CDC23: variants seen among roughly 807,000 people sequenced by gnomAD.
CDC23 encodes cell division cycle 23, also known as cell division cycle protein 23 homolog.
Under a neutral mutation model 81.7 loss-of-function variants are expected in CDC23, and 26 were observed. The ratio of observed to expected loss-of-function variants is 0.32; its 90% CI spans 0.23 to 0.44. The LOEUF (loss-of-function observed/expected upper bound fraction) is 0.44, where lower values mean the gene tolerates loss of function less well. CDC23 is among the 20% of genes least tolerant of loss of function. The pLI, the probability that CDC23 is intolerant of heterozygous loss-of-function variation, is 1.00. For missense variants in CDC23, 519 were observed against 728.0 expected, an observed-to-expected ratio of 0.71 and a Z score of 3.30; for synonymous variants, 267 against 270.8, an observed-to-expected ratio of 0.99 and a Z score of 0.14.
chr5:138,195,585 T>C (rs911215013), intron 9 of CDC23, among the ~76,000 whole-genome samples: 8 of 60,890 alleles, frequency 1.3e-4, no homozygotes, highest in Admixed American at 2.9e-4. Flanking sequence ...TAATATATTA[T>C]ATATAATATA....
intron 8 of CDC23, 46 bp from the exon 9 acceptor site, chr5:138,198,326 C>T: frequency 3.8e-6 from 6 of 1,587,604 alleles, no homozygotes; most frequent in Non-Finnish European, 5.2e-6. Context: ...AAAGAACTCC[C>T]TAAATTATTT....
intron 15 of CDC23, 111 bp from the exon 16 acceptor site, chr5:138,189,259 C>CT: frequency 2.0e-6 from 2 of 1,024,450 alleles, no homozygotes; most frequent in Non-Finnish European, 1.4e-6. Flanking sequence ...GGGAGGCTTG[C>CT]TTGTTTTTTT....
At chr5:138,197,475 G>A (rs1754927699) in intron 9 of CDC23, among the ~76,000 whole-genome samples, 1 of 150,590 alleles carries the variant, frequency 6.6e-6, no homozygotes, top group Non-Finnish European at 1.5e-5. Flanking sequence ...CAATATAGAC[G>A]TAACATGTAA....
chr5:138,211,024 C>T (rs964837941), intron 2 of CDC23, among the ~76,000 whole-genome samples: 3 of 152,092 alleles, frequency 2.0e-5, no homozygotes, highest in African/African-American at 4.8e-5. Flanking sequence ...TGGGTATATA[C>T]CCAAAGGAAA....
intron 3 of CDC23, among the ~76,000 whole-genome samples, chr5:138,204,635 T>C (rs1331732638): frequency 6.6e-6 from 1 of 151,596 alleles, no homozygotes; most frequent in Non-Finnish European, 1.5e-5. Flanking sequence ...TTTTCTTTTT[T>C]TGGAGACGGA....
At chr5:138,202,719 A>G (rs1755002831) in intron 3 of CDC23, among the ~76,000 whole-genome samples, 2 of 152,262 alleles carry the variant, frequency 1.3e-5, no homozygotes, top group African/African-American at 2.4e-5. Flanking sequence ...TACTAAATAG[A>G]TAAATAAATG....
rs1436774098 is a variant in CDC23 at position 138,188,238 on chromosome 5, A to G, written c.*740T>C. 1 of 152,186 alleles carries G rather than the reference A, an allele frequency of 6.6e-6. No individual in the cohort carries two copies. Among genetic ancestry groups the G allele is most frequent in the East Asian group, 1.9e-4 (1 of 5,200 alleles). 9.4% of individuals were successfully genotyped at this position (152,186 alleles called of 1,614,324 possible). ...CCAAATGTCCGTGAAATTATCTATAATCCTATCTCCTTGCTTGCTTTGGTA... is the reference window on the plus strand; with the variant it reads ...CCAAATGTCCGTGAAATTATCTATAGTCCTATCTCCTTGCTTGCTTTGGTA... On this transcript the variant is annotated 3_prime_UTR_variant, in exon 16 of 16. Transcript: ENST00000394886.
chr5:138,190,889 T>C (rs1420221066), intron 13 of CDC23, among the ~76,000 whole-genome samples: 1 of 150,324 alleles, frequency 6.7e-6, no homozygotes, highest in East Asian at 1.9e-4. Context: ...AAAAAAAAGA[T>C]ACCAAGCAAC....
intron 11 of CDC23, 76 bp downstream of exon 11, chr5:138,192,193 C>G: frequency 1.3e-6 from 2 of 1,567,822 alleles, no homozygotes; most frequent in South Asian, 1.2e-5. Context: ...TGTGATTTGT[C>G]AATAGCTATC....
chr5:138,199,714 A>G (rs1754964207), intron 6 of CDC23, among the ~76,000 whole-genome samples: 1 of 152,264 alleles, frequency 6.6e-6, no homozygotes. Flanking sequence ...TAGCGATGCT[A>G]GTAAAAGTCT....
chr5:138,197,805 C>T (rs143394071), intron 9 of CDC23, among the ~76,000 whole-genome samples: 117 of 152,288 alleles, frequency 7.7e-4, no homozygotes, highest in African/African-American at 2.6e-3. Context: ...CCTACACATA[C>T]ATTTTTACTA....
rs925604874 is a variant in CDC23, at chr5:138,209,201, T to C, written c.235-2517A>G. Among the ~76,000 whole-genome samples the C allele has an allele frequency of 4.6e-5, 7 of 150,612 alleles. No homozygotes were observed. The East Asian group carries it at 1.4e-3, about 30-fold the overall frequency. On this transcript the variant is annotated intron_variant, in intron 2 of 15. Transcript: ENST00000394886. ...CAGCACTTTGGGAGGCTAAGACAGGTGGATCACCTGAGGTCAAGAGTTCAA... is the reference window on the plus strand; with the variant it reads ...CAGCACTTTGGGAGGCTAAGACAGGCGGATCACCTGAGGTCAAGAGTTCAA...
chr5:138,204,456 GATCGCACCACTGC>G (rs1265794213), intron 3 of CDC23, among the ~76,000 whole-genome samples: 1 of 146,400 alleles, frequency 6.8e-6, no homozygotes, highest in African/African-American at 2.5e-5. Flanking sequence ...AGTGAGTTGA[GATCGCACCACTGC>G]ACTCCAGCCT....
chr5:138,195,560 T>C (rs1754877582), intron 9 of CDC23, among the ~76,000 whole-genome samples: 1 of 96,108 alleles, frequency 1.0e-5, no homozygotes, highest in African/African-American at 4.1e-5. Flanking sequence ...TAATTATATA[T>C]AATATATTTA....
At position 138,195,590 on chromosome 5, in the gene CDC23, AATATATATT is replaced by A. The variant is rs1561633970; in HGVS notation, c.1012+2600_1012+2608del. Among the ~76,000 whole-genome samples, 14 of 58,582 alleles carry A rather than the reference AATATATATT, an allele frequency of 2.4e-4. No individual in the cohort carries two copies. The East Asian group carries it at 7.6e-3, about 32-fold the overall frequency. 38.4% of individuals were successfully genotyped at this position (58,582 alleles called of 152,430 possible). ...TATTTATATATAATATATTATATATAATATATATTATATATGATATATTTATATATAAAT... is the reference window on the plus strand; with the variant it reads ...TATTTATATATAATATATTATATATAATATATGATATATTTATATATAAAT... On this transcript the variant is annotated intron_variant, in intron 9 of 15. Coordinates refer to ENST00000394886, the MANE Select transcript of CDC23 (RefSeq NM_004661.4).
intron 2 of CDC23, among the ~76,000 whole-genome samples, chr5:138,211,950 C>T (rs1260243217): frequency 6.6e-6 from 1 of 152,150 alleles, no homozygotes; most frequent in Non-Finnish European, 1.5e-5. Flanking sequence ...ATACCGTATG[C>T]TTTACCCTTA....
At chr5:138,206,430 T>C (rs760390540) in intron 3 of CDC23, 117 bp downstream of exon 3, 5 of 979,808 alleles carry the variant, frequency 5.1e-6, no homozygotes, top group African/African-American at 4.8e-5. Flanking sequence ...TTGCTATGTA[T>C]AAAGTACATT....
At position 138,188,861 on chromosome 5, in the gene CDC23, T is replaced by C. The variant is rs2151235267; in HGVS notation, c.*117A>G. 1.1e-6 allele frequency: 1 copy of C among 949,780 alleles called. No individual in the cohort carries two copies. Among genetic ancestry groups the C allele is most frequent in the Non-Finnish European group, 1.5e-6 (1 of 647,312 alleles). The allele number at this position is 949,780 out of a possible 1,614,324, so 58.8% of individuals were successfully genotyped here. ...TATACAAGCTGTCCCTATGGAGCTG[T>C]TGCCATCTGTAGAAACAAGAAGAGC... On this transcript the variant is annotated 3_prime_UTR_variant, in exon 16 of 16. Coordinates refer to ENST00000394886, the MANE Select transcript of CDC23 (RefSeq NM_004661.4).
chr5:138,193,454 G>A (rs1754847969), intron 9 of CDC23, among the ~76,000 whole-genome samples: 1 of 151,920 alleles, frequency 6.6e-6, no homozygotes, highest in Non-Finnish European at 1.5e-5. Flanking sequence ...AAATTAGCCG[G>A]GCATAGTGGC....
Sources: allele counts gnomAD v4.1 joint callset (sites outside exome capture counted in the v4.1 genomes callset), GRCh38; gene constraint gnomAD v4.1.1; transcripts MANE v1.5; gene names NCBI Gene and HGNC (gene_info 2026-07-23, HGNC 2026-07-21).